The following ATG5 variants were observed in gnomAD, a reference collection of about 807,000 sequenced individuals.
ATG5 encodes the protein autophagy related 5.
Under a neutral mutation model 36.5 loss-of-function variants are expected in ATG5, and 14 were observed. The observed-to-expected ratio is 0.38, with a 90% confidence interval of 0.25 to 0.60. The LOEUF is 0.60. Ranked by LOEUF, ATG5 falls within the 20% of genes least tolerant of loss-of-function variation. The pLI, the probability that ATG5 is intolerant of heterozygous loss-of-function variation, is 0.60. For missense variants in ATG5, 195 were observed against 326.7 expected (o/e 0.60, Z 3.11); for synonymous variants, 95 against 101.5 (o/e 0.94, Z 0.38).
intron 6 of ATG5, among the ~76,000 whole-genome samples, chr6:106,221,593 G>C (rs1777251322): frequency 6.6e-6 from 1 of 151,596 alleles, no homozygotes; most frequent in Admixed American, 6.6e-5. Context: ...GGCTGAGGGA[G>C]GAGAATCACC....
chr6:106,192,231 A>C (rs1197155580), intron 7 of ATG5, among the ~76,000 whole-genome samples: 1 of 151,932 alleles, frequency 6.6e-6, no homozygotes, highest in Non-Finnish European at 1.5e-5. Context: ...TTTTTTTTAA[A>C]AAAGATGAAA....
At chr6:106,238,174 T>A (rs371613147) in intron 6 of ATG5, among the ~76,000 whole-genome samples, 3 of 152,322 alleles carry the variant, frequency 2.0e-5, no homozygotes, top group African/African-American at 7.2e-5. Context: ...AACTTTTATT[T>A]ACTTTTATTT....
intron 5 of ATG5, among the ~76,000 whole-genome samples, chr6:106,278,310 A>G (rs1779740765): frequency 1.3e-5 from 2 of 152,230 alleles, no homozygotes; most frequent in African/African-American, 2.4e-5. Context: ...TTCTCAACAT[A>G]TAACTTATGG....
intron 7 of ATG5, among the ~76,000 whole-genome samples, chr6:106,193,866 T>TA (rs1225461471): frequency 6.6e-6 from 1 of 152,220 alleles, no homozygotes; most frequent in Non-Finnish European, 1.5e-5. Context: ...GATAACTTGT[T>TA]TTTAACTGTC....
At chr6:106,273,603 A>G (rs137877373) in intron 5 of ATG5, among the ~76,000 whole-genome samples, 14 of 150,456 alleles carry the variant, frequency 9.3e-5, no homozygotes, top group Admixed American at 2.7e-4. Flanking sequence ...GGGAAGGGGT[A>G]GAAAAGAAAA....
chr6:106,324,143 G>A (rs1771205374), intron 1 of ATG5, among the ~76,000 whole-genome samples: 1 of 151,924 alleles, frequency 6.6e-6, no homozygotes, highest in South Asian at 2.1e-4. Context: ...CTACCCATGG[G>A]TTCTTCGTCC....
chr6:106,306,104 C>T (rs1473688370), intron 3 of ATG5, among the ~76,000 whole-genome samples: 1 of 152,190 alleles, frequency 6.6e-6, no homozygotes, highest in Non-Finnish European at 1.5e-5. Flanking sequence ...AATATAATTA[C>T]TTTCACATAA....
chr6:106,185,033 A>G lies in ATG5; in HGVS notation c.*1507T>C, dbSNP rs1722966231. 1 of 152,316 alleles carries G rather than the reference A, an allele frequency of 6.6e-6. No individual in the cohort carries two copies. The highest frequency in any genetic ancestry group is 6.5e-5 in the Admixed American group (1 of 15,268). 9.4% of individuals were successfully genotyped at this position (152,316 alleles called of 1,614,324 possible). ...ATGGCACTTTCGTTTACATCAACCA[A>G]TTATTTTCTACTTGCTTCTAAGTTT... On this transcript the variant is annotated 3_prime_UTR_variant, in exon 8 of 8. Coordinates refer to ENST00000369076, the MANE Select transcript of ATG5 (RefSeq NM_004849.4).
At chr6:106,258,483 C>G (rs1475367516) in intron 5 of ATG5, among the ~76,000 whole-genome samples, 2 of 152,078 alleles carry the variant, frequency 1.3e-5, no homozygotes, top group South Asian at 2.1e-4. Context: ...TGACTTTTAT[C>G]AATAACTTAT....
At chr6:106,240,278 T>C (rs1256859904) in intron 6 of ATG5, among the ~76,000 whole-genome samples, 1 of 150,184 alleles carries the variant, frequency 6.7e-6, no homozygotes, top group Non-Finnish European at 1.5e-5. Context: ...ACAGTTATAT[T>C]TTGCAATGTG....
At chr6:106,263,884 A>G (rs370966331) in intron 5 of ATG5, among the ~76,000 whole-genome samples, 2 of 152,096 alleles carry the variant, frequency 1.3e-5, no homozygotes, top group Admixed American at 6.5e-5. Flanking sequence ...GATGGAAAAA[A>G]AAAAAAAAAC....
At chr6:106,284,414 A>G (rs940977101) in intron 4 of ATG5, among the ~76,000 whole-genome samples, 1 of 152,068 alleles carries the variant, frequency 6.6e-6, no homozygotes, top group African/African-American at 2.4e-5. Context: ...TGGGTTGCAG[A>G]CATGCCATCA....
chr6:106,209,243 C>G (rs959446979), intron 6 of ATG5, among the ~76,000 whole-genome samples: 4 of 152,096 alleles, frequency 2.6e-5, no homozygotes, highest in African/African-American at 9.7e-5. Context: ...CTGTTTTATT[C>G]GTGAGAGTCA....
intron 2 of ATG5, among the ~76,000 whole-genome samples, chr6:106,311,763 A>G (rs1770652912): frequency 6.6e-6 from 1 of 152,100 alleles, no homozygotes; most frequent in African/African-American, 2.4e-5. Context: ...CCAACTGCAG[A>G]CTAGAAAATG....
At chr6:106,205,903 C>A (rs1268215163) in intron 6 of ATG5, among the ~76,000 whole-genome samples, 1 of 152,126 alleles carries the variant, frequency 6.6e-6, no homozygotes, top group Non-Finnish European at 1.5e-5. Context: ...ACTCAATATA[C>A]CCCAACCAAA....
intron 2 of ATG5, among the ~76,000 whole-genome samples, chr6:106,312,587 G>C (rs1770688673): frequency 6.8e-6 from 1 of 147,954 alleles, no homozygotes; most frequent in Admixed American, 6.7e-5. Flanking sequence ...CCAATATTAA[G>C]GAATAAACAA....
intron 6 of ATG5, among the ~76,000 whole-genome samples, chr6:106,233,598 T>C (rs1031646927): frequency 2.0e-5 from 3 of 152,172 alleles, no homozygotes; most frequent in African/African-American, 4.8e-5. Context: ...GTTGGCCTCA[T>C]TGTTTATGGG....
At chr6:106,201,702 A>C (rs1331528538) in intron 7 of ATG5, 1 of 203,560 alleles carries the variant, frequency 4.9e-6, no homozygotes, top group Non-Finnish European at 9.8e-6. Context: ...TCAGAACTGA[A>C]TCCATAAATT....
At chr6:106,252,643 T>A (rs1174771654) in intron 5 of ATG5, among the ~76,000 whole-genome samples, 1 of 152,172 alleles carries the variant, frequency 6.6e-6, no homozygotes, top group African/African-American at 2.4e-5. Flanking sequence ...GGCAAAATAA[T>A]TCTTATGCCA....
Sources: gnomAD v4.1 joint callset for allele counts (sites outside exome capture counted in the v4.1 genomes callset) on GRCh38, gnomAD v4.1.1 for gene constraint, MANE v1.5 for transcripts, NCBI Gene and HGNC (gene_info 2026-07-23, HGNC 2026-07-21) for gene names.